Variants in CPQ observed in about 807,000 individuals in gnomAD.
The protein encoded by CPQ is carboxypeptidase Q.
In CPQ, 37 loss-of-function variants were observed where a neutral mutation model predicts 45.7. The ratio of observed to expected loss-of-function variants is 0.81; its 90% CI spans 0.62 to 1.07. The LOEUF (loss-of-function observed/expected upper bound fraction) is 1.07. Ranked by LOEUF, CPQ falls within the 50% of genes least tolerant of loss-of-function variation. The pLI is 0.00. For synonymous variants in CPQ, 186 were observed against 205.8 expected (o/e 0.90, Z 0.82); for missense variants, 537 against 572.9 (o/e 0.94, Z 0.64).
chr8:96,725,947 A>G (rs934234570), intron 1 of CPQ, among the ~76,000 whole-genome samples: 3 of 152,212 alleles, frequency 2.0e-5, no homozygotes, highest in Non-Finnish European at 4.4e-5. Context: ...AGCAACATGG[A>G]TGCAGCTGGA....
intron 5 of CPQ, among the ~76,000 whole-genome samples, chr8:97,005,067 T>C (rs1467666252): frequency 6.6e-6 from 1 of 151,978 alleles, no homozygotes; most frequent in African/African-American, 2.4e-5. Flanking sequence ...ATTTTTTCTG[T>C]AGGAACTGAG....
chr8:96,922,645 G>A (rs865903520), intron 4 of CPQ, among the ~76,000 whole-genome samples: 1 of 152,296 alleles, frequency 6.6e-6, no homozygotes, highest in Middle Eastern at 3.4e-3. Flanking sequence ...AGGAGTAAAT[G>A]TATGTTACAG....
intron 5 of CPQ, among the ~76,000 whole-genome samples, chr8:97,023,138 T>C (rs1483464691): frequency 6.7e-6 from 1 of 149,706 alleles, no homozygotes; most frequent in African/African-American, 2.4e-5. Flanking sequence ...TATATGTTAC[T>C]CAACCATAAA....
intron 5 of CPQ, among the ~76,000 whole-genome samples, chr8:96,995,881 C>A (rs1809171459): frequency 6.6e-6 from 1 of 151,876 alleles, no homozygotes. Context: ...AGATTTGTGA[C>A]TTTCTAGATG....
intron 4 of CPQ, among the ~76,000 whole-genome samples, chr8:96,902,647 T>C (rs938105796): frequency 1.3e-5 from 2 of 152,200 alleles, no homozygotes; most frequent in African/African-American, 4.8e-5. Context: ...CTTGCCCTTG[T>C]CTGCTACTAT....
chr8:96,826,070 T>C (rs904047014), intron 2 of CPQ, among the ~76,000 whole-genome samples: 1 of 152,092 alleles, frequency 6.6e-6, no homozygotes, highest in African/African-American at 2.4e-5. Flanking sequence ...AGAAATGACA[T>C]TGGGTGGGTT....
intron 4 of CPQ, among the ~76,000 whole-genome samples, chr8:96,926,764 G>A (rs576815274): frequency 6.6e-6 from 1 of 151,846 alleles, no homozygotes; most frequent in South Asian, 2.1e-4. Context: ...TGCCATGGTG[G>A]TTTGCTGCAC....
chr8:96,809,018 A>T (rs1340101185), intron 2 of CPQ, among the ~76,000 whole-genome samples: 2 of 152,158 alleles, frequency 1.3e-5, no homozygotes, highest in East Asian at 1.9e-4. Flanking sequence ...CTGCAAGGGG[A>T]TACATAAATT....
chr8:97,099,115 C>CTTTTTTTTTTTTT (rs34830752), intron 7 of CPQ, among the ~76,000 whole-genome samples: 8 of 66,340 alleles, frequency 1.2e-4, no homozygotes, highest in Admixed American at 2.7e-4. Context: ...CCTTCTCTCT[C>CTTTTTTTTTTTTT]TTTTTTTTTT....
chr8:96,741,331 C>T (rs945415687), intron 1 of CPQ, among the ~76,000 whole-genome samples: 1 of 152,156 alleles, frequency 6.6e-6, no homozygotes, highest in African/African-American at 2.4e-5. Flanking sequence ...TCCCCTTTAA[C>T]ATTTTTTATT....
chr8:96,955,067 T>C (rs183616638), intron 4 of CPQ, among the ~76,000 whole-genome samples: 20 of 152,282 alleles, frequency 1.3e-4, no homozygotes, highest in Admixed American at 5.2e-4. Context: ...TACATCTACA[T>C]GTGTCTTTAT....
intron 5 of CPQ, among the ~76,000 whole-genome samples, chr8:97,014,911 A>G (rs1364882786): frequency 6.6e-6 from 1 of 152,154 alleles, no homozygotes; most frequent in African/African-American, 2.4e-5. Flanking sequence ...ATTATATTAA[A>G]AAAAACTTAT....
At chr8:96,754,286 G>A (rs1810300841) in intron 1 of CPQ, among the ~76,000 whole-genome samples, 1 of 151,994 alleles carries the variant, frequency 6.6e-6, no homozygotes, top group South Asian at 2.1e-4. Context: ...TTTGCTTTAG[G>A]TTTCTCAGAG....
chr8:97,091,515 T>G (rs1276501975), intron 7 of CPQ, among the ~76,000 whole-genome samples: 1 of 152,194 alleles, frequency 6.6e-6, no homozygotes, highest in Non-Finnish European at 1.5e-5. Context: ...GGCTACTTCT[T>G]TTTTAGATCA....
chr8:97,052,606 C>T (rs1444273571), intron 6 of CPQ, among the ~76,000 whole-genome samples: 2 of 152,070 alleles, frequency 1.3e-5, no homozygotes, highest in African/African-American at 2.4e-5. Context: ...TGAGTAATGG[C>T]CAAGTTATTT....
intron 7 of CPQ, among the ~76,000 whole-genome samples, chr8:97,122,922 TAAAATAAATA>T (rs1563586749): frequency 2.7e-4 from 14 of 52,762 alleles, no homozygotes; most frequent in South Asian, 1.5e-3. Flanking sequence ...TAAAATAAAA[TAAAATAAATA>T]AAATAAAATA....
chr8:96,719,460 G>T (rs137990125), intron 1 of CPQ, among the ~76,000 whole-genome samples: 2 of 152,148 alleles, frequency 1.3e-5, no homozygotes, highest in African/African-American at 4.8e-5. Context: ...TGCCACTCGC[G>T]CCTCTCCCTC....
intron 5 of CPQ, among the ~76,000 whole-genome samples, chr8:97,010,016 A>C (rs1809456502): frequency 6.6e-6 from 1 of 152,172 alleles, no homozygotes; most frequent in Non-Finnish European, 1.5e-5. Context: ...GAAAACTTGA[A>C]GAGGGGTTAG....
intron 7 of CPQ, among the ~76,000 whole-genome samples, chr8:97,088,359 C>A (rs1811073446): frequency 6.6e-6 from 1 of 152,138 alleles, no homozygotes; most frequent in African/African-American, 2.4e-5. Context: ...TCAAGATGAC[C>A]ATTTGGGAAA....
Sources: gnomAD v4.1 joint callset for allele counts (sites outside exome capture counted in the v4.1 genomes callset) on GRCh38, gnomAD v4.1.1 for gene constraint, MANE v1.5 for transcripts, NCBI Gene and HGNC (gene_info 2026-07-23, HGNC 2026-07-21) for gene names.